Variants in CSMD3 observed in about 807,000 individuals in gnomAD.
CSMD3 encodes CUB and Sushi multiple domains 3.
A neutral mutation model predicts 435.2 loss-of-function variants in CSMD3; 177 were observed. The observed-to-expected ratio is 0.41, with a 90% confidence interval of 0.36 to 0.46. The LOEUF is 0.46. Ranked by LOEUF, CSMD3 falls within the 20% of genes least tolerant of loss-of-function variation. The probability of loss-of-function intolerance (pLI) is 0.34; values close to 1 mark genes in which losing one functional copy is unlikely to be tolerated. For synonymous variants in CSMD3, 1,656 were observed against 1,520.5 expected, an observed-to-expected ratio of 1.09 and a Z score of -2.07; for missense variants, 4,265 against 4,504.6, an observed-to-expected ratio of 0.95 and a Z score of 1.52.
chr8:113,328,274 TAAAAATAC>T (rs1471155664), intron 1 of CSMD3, among the ~76,000 whole-genome samples: 4 of 150,784 alleles, frequency 2.7e-5, no homozygotes, highest in Non-Finnish European at 5.9e-5. Context: ...CCGTCTCTAC[TAAAAATAC>T]AAAAAATTAG....
At chr8:112,426,774 C>T (rs775641811) in intron 32 of CSMD3, among the ~76,000 whole-genome samples, 9 of 152,142 alleles carry the variant, frequency 5.9e-5, no homozygotes, top group Admixed American at 5.9e-4. Context: ...TTAGATTATT[C>T]GTGTATTCCA....
intron 4 of CSMD3, among the ~76,000 whole-genome samples, chr8:113,159,519 C>A (rs1214193075): frequency 6.6e-6 from 1 of 151,906 alleles, no homozygotes; most frequent in Admixed American, 6.6e-5. Flanking sequence ...TCCTGCCCAT[C>A]TGCATTTTTC....
At position 112,439,715 on chromosome 8, in the gene CSMD3, A is replaced by G. The variant is rs565195562; in HGVS notation, c.5396-30683T>C. ...AAAGCAAACACATCTTTCTTCACATAATGTCAGGAAGAAGAAGAATGAAAG... is the reference window on the plus strand; with the variant it reads ...AAAGCAAACACATCTTTCTTCACATGATGTCAGGAAGAAGAAGAATGAAAG... On this transcript the variant is annotated intron_variant, in intron 32 of 70. Transcript: ENST00000297405. Among the ~76,000 whole-genome samples the G allele has an allele frequency of 1.8e-4, 28 of 152,228 alleles. No homozygotes were observed. The South Asian group carries it at 5.6e-3, about 30-fold the overall frequency.
intron 5 of CSMD3, among the ~76,000 whole-genome samples, chr8:113,023,039 G>A (rs2086739674): frequency 6.6e-6 from 1 of 151,952 alleles, no homozygotes; most frequent in Non-Finnish European, 1.5e-5. Flanking sequence ...AGAAAATTGA[G>A]AGAATGACAG....
At chr8:113,350,151 T>A (rs1243415864) in intron 1 of CSMD3, among the ~76,000 whole-genome samples, 1 of 151,842 alleles carries the variant, frequency 6.6e-6, no homozygotes, top group Admixed American at 6.6e-5. Context: ...AGGTCATAGA[T>A]AAAGGCATGA....
At chr8:112,783,636 G>C (rs181456041) in intron 13 of CSMD3, among the ~76,000 whole-genome samples, 95 of 152,090 alleles carry the variant, frequency 6.2e-4, no homozygotes, top group African/African-American at 2.3e-3. Flanking sequence ...CTCCAATCAA[G>C]AGACATAGAG....
chr8:112,775,984 T>C (rs1297620029), intron 13 of CSMD3, among the ~76,000 whole-genome samples: 1 of 151,840 alleles, frequency 6.6e-6, no homozygotes, highest in Admixed American at 6.6e-5. Context: ...ATTTACAACT[T>C]CTAGCATGAT....
chr8:113,408,028 T>G (rs1056778175), intron 1 of CSMD3, among the ~76,000 whole-genome samples: 2 of 152,196 alleles, frequency 1.3e-5, no homozygotes, highest in African/African-American at 4.8e-5. Flanking sequence ...TTTAAATAGT[T>G]AAAAATTTTT....
At chr8:113,039,393 A>G (rs1587944525) in intron 5 of CSMD3, among the ~76,000 whole-genome samples, 1 of 152,306 alleles carries the variant, frequency 6.6e-6, no homozygotes, top group Non-Finnish European at 1.5e-5. Flanking sequence ...TGCTTACTTC[A>G]CTTTTATAAG....
chr8:112,747,886 C>A (rs973064221), intron 13 of CSMD3, among the ~76,000 whole-genome samples: 1 of 150,034 alleles, frequency 6.7e-6, no homozygotes, highest in Non-Finnish European at 1.5e-5. Context: ...TGGCGTGAAC[C>A]CGGAAGGCGG....
intron 3 of CSMD3, among the ~76,000 whole-genome samples, chr8:113,213,906 T>C (rs1361523847): frequency 5.9e-5 from 9 of 152,122 alleles, no homozygotes. Flanking sequence ...TCATATATTC[T>C]TCTATAAACT....
intron 32 of CSMD3, among the ~76,000 whole-genome samples, chr8:112,471,739 C>T (rs918599372): frequency 1.3e-5 from 2 of 152,110 alleles, no homozygotes; most frequent in Non-Finnish European, 2.9e-5. Flanking sequence ...TGATAAAATC[C>T]ATGTCCTTCT....
intron 32 of CSMD3, among the ~76,000 whole-genome samples, chr8:112,435,706 C>T (rs546973809): frequency 6.6e-6 from 1 of 151,958 alleles, no homozygotes; most frequent in Non-Finnish European, 1.5e-5. Context: ...AGATGGGGCA[C>T]ATTTTTTAAC....
intron 5 of CSMD3, among the ~76,000 whole-genome samples, chr8:113,023,446 C>T (rs2086758890): frequency 6.6e-6 from 1 of 152,012 alleles, no homozygotes; most frequent in African/African-American, 2.4e-5. Flanking sequence ...TTCTCACTCT[C>T]TTGCTTTTAA....
At chr8:112,666,136 G>A in intron 17 of CSMD3, 141 bp downstream of exon 17, 1 of 717,024 alleles carries the variant, frequency 1.4e-6, no homozygotes. Flanking sequence ...GTTAAAAGGG[G>A]GCAAACAGAT....
At chr8:112,235,419 AC>A (rs1351752420) in intron 67 of CSMD3, among the ~76,000 whole-genome samples, 6 of 152,006 alleles carry the variant, frequency 3.9e-5, no homozygotes, top group African/African-American at 9.6e-5. Flanking sequence ...AAACAAAACA[AC>A]AACAACAACA....
intron 32 of CSMD3, among the ~76,000 whole-genome samples, chr8:112,423,593 G>A (rs1213501981): frequency 1.3e-5 from 2 of 152,110 alleles, no homozygotes; most frequent in Non-Finnish European, 2.9e-5. Context: ...GGGACCATAT[G>A]CCACCATGCC....
intron 1 of CSMD3, among the ~76,000 whole-genome samples, chr8:113,391,891 T>C (rs1019463116): frequency 1.3e-5 from 2 of 152,038 alleles, no homozygotes; most frequent in Non-Finnish European, 2.9e-5. Flanking sequence ...GCATTCTGAT[T>C]AGCAGCAATA....
intron 13 of CSMD3, among the ~76,000 whole-genome samples, chr8:112,738,458 A>G (rs2077233211): frequency 6.6e-6 from 1 of 151,796 alleles, no homozygotes; most frequent in Non-Finnish European, 1.5e-5. Flanking sequence ...CATGTGAGCC[A>G]ATTTAGTGCA....
Sources: gnomAD v4.1 joint callset for allele counts (sites outside exome capture counted in the v4.1 genomes callset) on GRCh38, gnomAD v4.1.1 for gene constraint, MANE v1.5 for transcripts, NCBI Gene and HGNC (gene_info 2026-07-23, HGNC 2026-07-21) for gene names.